The following ATXN1 variants were observed in gnomAD, a reference collection of about 807,000 sequenced individuals.
ATXN1 encodes the protein ataxin 1, also known as ataxin-1.
In ATXN1, 8 loss-of-function variants were observed where a neutral mutation model predicts 56.4. The observed-to-expected ratio is 0.14, with a 90% CI of 0.08 to 0.26. ATXN1 has a LOEUF of 0.26. Ranked by LOEUF, ATXN1 falls within the 10% of genes least tolerant of loss-of-function variation. The probability of loss-of-function intolerance (pLI) is 1.00; values close to 1 mark genes in which losing one functional copy is unlikely to be tolerated. For synonymous variants in ATXN1, 514 were observed against 494.6 expected, an observed-to-expected ratio of 1.04 and a Z score of -0.52; for missense variants, 987 against 1,106.5, an observed-to-expected ratio of 0.89 and a Z score of 1.53.
intron 6 of ATXN1, among the ~76,000 whole-genome samples, chr6:16,347,362 C>T (rs1420001496): frequency 2.6e-5 from 4 of 152,264 alleles, no homozygotes; most frequent in Non-Finnish European, 2.9e-5. Context: ...CACCAATCAG[C>T]ACTCTATATC....
chr6:16,390,575 G>T (rs1296075941), intron 6 of ATXN1, among the ~76,000 whole-genome samples: 1 of 151,832 alleles, frequency 6.6e-6, no homozygotes, highest in African/African-American at 2.4e-5. Flanking sequence ...CCTCCATTTG[G>T]CTTATCTATC....
At chr6:16,507,830 A>T (rs1761009144) in intron 5 of ATXN1, among the ~76,000 whole-genome samples, 1 of 152,250 alleles carries the variant, frequency 6.6e-6, no homozygotes, top group Non-Finnish European at 1.5e-5. Flanking sequence ...TCTTGGAAGT[A>T]TGACTTTCCT....
At chr6:16,579,851 G>C (rs74551385) in intron 4 of ATXN1, among the ~76,000 whole-genome samples, 4 of 151,894 alleles carry the variant, frequency 2.6e-5, no homozygotes, top group Admixed American at 2.6e-4. Flanking sequence ...CCATTTTAGA[G>C]AGAGAGAGAG....
intron 5 of ATXN1, among the ~76,000 whole-genome samples, chr6:16,504,848 C>G (rs897434864): frequency 4.6e-5 from 7 of 152,140 alleles, no homozygotes; most frequent in Non-Finnish European, 1.0e-4. Flanking sequence ...ATTCAACCAG[C>G]TCTCTGACCT....
At chr6:16,414,000 CATTG>C (rs1459351983) in intron 6 of ATXN1, among the ~76,000 whole-genome samples, 2 of 152,138 alleles carry the variant, frequency 1.3e-5, no homozygotes, top group Non-Finnish European at 2.9e-5. Context: ...GAAAATGGAA[CATTG>C]ATTGTTTGTA....
intron 2 of ATXN1, among the ~76,000 whole-genome samples, chr6:16,726,155 C>A (rs1759844013): frequency 6.6e-6 from 1 of 151,886 alleles, no homozygotes; most frequent in Non-Finnish European, 1.5e-5. Flanking sequence ...CCAAGGCAGG[C>A]GGATCACCTG....
At chr6:16,692,036 G>A (rs546856906) in intron 2 of ATXN1, among the ~76,000 whole-genome samples, 1 of 152,314 alleles carries the variant, frequency 6.6e-6, no homozygotes, top group African/African-American at 2.4e-5. Flanking sequence ...GGCCGAGGCG[G>A]GCAGATCACC....
chr6:16,716,359 T>G (rs1354389263), intron 2 of ATXN1, among the ~76,000 whole-genome samples: 1 of 152,246 alleles, frequency 6.6e-6, no homozygotes, highest in Non-Finnish European at 1.5e-5. Flanking sequence ...AGAAGCTTTC[T>G]TTCAGTATGT....
intron 3 of ATXN1, among the ~76,000 whole-genome samples, chr6:16,620,278 CA>C (rs1763296077): frequency 6.6e-6 from 1 of 151,498 alleles, no homozygotes; most frequent in African/African-American, 2.4e-5. Context: ...CACACACACA[CA>C]CACACACACA....
intron 2 of ATXN1, among the ~76,000 whole-genome samples, chr6:16,750,377 G>A (rs940411791): frequency 6.6e-6 from 1 of 152,088 alleles, no homozygotes; most frequent in Non-Finnish European, 1.5e-5. Context: ...TGCTATAGCT[G>A]TATCATATTT....
Position 16,407,281 on chromosome 6 carries a change from T to A in ATXN1, c.-161+78691A>T, listed in dbSNP as rs181608791. ...GAAACAAATACATTATTAAATTTTT[T>A]AAATGTTCTCCTCTAAGGATATGCC... On this transcript the variant is annotated intron_variant, in intron 6 of 7. Coordinates refer to ENST00000436367, the MANE Select transcript of ATXN1 (RefSeq NM_001128164.2). Among the ~76,000 whole-genome samples, 4 of 152,374 alleles carry A rather than the reference T, an allele frequency of 2.6e-5. No homozygotes were observed. In the East Asian group the frequency reaches 5.8e-4, roughly 22 times the overall value.
At chr6:16,548,032 T>A (rs2113724304) in intron 4 of ATXN1, among the ~76,000 whole-genome samples, 2 of 152,268 alleles carry the variant, frequency 1.3e-5, no homozygotes, top group African/African-American at 4.8e-5. Flanking sequence ...TGTGTGAACA[T>A]CGTAGAGTCT....
chr6:16,627,521 G>A (rs1175036064), intron 3 of ATXN1, among the ~76,000 whole-genome samples: 1 of 152,170 alleles, frequency 6.6e-6, no homozygotes, highest in South Asian at 2.1e-4. Flanking sequence ...GAGGTCAGGA[G>A]TTTGAGACCT....
chr6:16,375,204 G>C (rs1437058192), intron 6 of ATXN1, among the ~76,000 whole-genome samples: 1 of 152,224 alleles, frequency 6.6e-6, no homozygotes, highest in Non-Finnish European at 1.5e-5. Flanking sequence ...AGTCACAAAA[G>C]CTCTGGCATG....
chr6:16,299,751 C>G lies in ATXN1; in HGVS notation c.*6578G>C, dbSNP rs1187653180. On this transcript the variant is annotated 3_prime_UTR_variant, in exon 8 of 8. Coordinates refer to ENST00000436367, the MANE Select transcript of ATXN1 (RefSeq NM_001128164.2). ...ATCTGAAGGTCACCACAAATACTGA[C>G]AGGACTATCTTGAAACCTCCTTTCG... The G allele has an allele frequency of 6.6e-6, 1 of 152,650 alleles. No individual in the cohort carries two copies. Among genetic ancestry groups the G allele is most frequent in the African/African-American group, 2.4e-5 (1 of 41,458 alleles). The allele number at this position is 152,650 out of a possible 1,614,324, so 9.5% of individuals were successfully genotyped here. A position where few individuals can be genotyped will look rare whatever the true frequency, so the allele number is the denominator to read the frequency against.
intron 1 of ATXN1, among the ~76,000 whole-genome samples, chr6:16,754,255 C>T (rs1474200436): frequency 3.3e-5 from 5 of 152,132 alleles, no homozygotes; most frequent in African/African-American, 7.2e-5. Context: ...ATAAAATCAT[C>T]CCCAAACTAG....
At position 16,685,813 on chromosome 6, in the gene ATXN1, A is replaced by G. The variant is rs761307599; in HGVS notation, c.-614-27912T>C. Among the ~76,000 whole-genome samples the G allele has an allele frequency of 4.6e-5, 7 of 152,322 alleles. 1 individual carries two copies. In the South Asian group the frequency reaches 1.2e-3, roughly 27 times the overall value. Reference sequence around the variant, plus strand: ...TCCTAAACAAAAATATAATTTCACAAAGCAAAGACATTCATTTTATCGTTC... The same window carrying G: ...TCCTAAACAAAAATATAATTTCACAGAGCAAAGACATTCATTTTATCGTTC... On this transcript the variant is annotated intron_variant, in intron 2 of 7. Coordinates refer to ENST00000436367, the MANE Select transcript of ATXN1 (RefSeq NM_001128164.2).
intron 2 of ATXN1, among the ~76,000 whole-genome samples, chr6:16,709,268 A>C (rs1759474884): frequency 6.6e-6 from 1 of 151,530 alleles, no homozygotes; most frequent in Non-Finnish European, 1.5e-5. Context: ...TAAATAGATA[A>C]GAAGAAAGTA....
At chr6:16,372,509 G>T (rs907119269) in intron 6 of ATXN1, among the ~76,000 whole-genome samples, 1 of 152,168 alleles carries the variant, frequency 6.6e-6, no homozygotes, top group African/African-American at 2.4e-5. Context: ...TGGATAAAAT[G>T]GATTCCATTT....
Sources: allele counts gnomAD v4.1 joint callset (sites outside exome capture counted in the v4.1 genomes callset), GRCh38; gene constraint gnomAD v4.1.1; transcripts MANE v1.5; gene names NCBI Gene and HGNC (gene_info 2026-07-23, HGNC 2026-07-21).